Variants in SBNO2 observed in about 807,000 individuals in gnomAD.
The protein encoded by SBNO2 is protein strawberry notch homolog 2.
A neutral mutation model predicts 146.3 loss-of-function variants in SBNO2; 89 were observed. The ratio of observed to expected loss-of-function variants is 0.61; its 90% CI spans 0.51 to 0.73. The LOEUF (loss-of-function observed/expected upper bound fraction) is 0.73, where lower values mean the gene tolerates loss of function less well. Ranked by LOEUF, SBNO2 falls within the 30% of genes least tolerant of loss-of-function variation. SBNO2 has a pLI of 0.00. For missense variants in SBNO2, 2,092 were observed against 2,003.7 expected (o/e 1.04, Z -0.84); for synonymous variants, 1,147 against 892.6 (o/e 1.29, Z -5.08).
chr19:1,135,079 G>A (rs964401500), intron 4 of SBNO2, among the ~76,000 whole-genome samples: 28 of 139,216 alleles, frequency 2.0e-4, no homozygotes, highest in South Asian at 2.3e-4. Context: ...AGGTGGATTT[G>A]GCCGAGCGTA....
intron 4 of SBNO2, among the ~76,000 whole-genome samples, chr19:1,130,744 A>G (rs368714246): frequency 1.3e-5 from 2 of 152,146 alleles, no homozygotes; most frequent in African/African-American, 4.8e-5. Flanking sequence ...GGGAGCCGAG[A>G]TCGTGCCACT....
chr19:1,132,168 G>A (rs12984968), intron 4 of SBNO2: 3 of 1,446,694 alleles, frequency 2.1e-6, no homozygotes, highest in Admixed American at 3.2e-5. Context: ...GGGTCCCCCA[G>A]GAAGCGCTGC....
At position 1,112,848 on chromosome 19, in the gene SBNO2, C is replaced by T. The variant is rs1374919448; in HGVS notation, c.2349G>A (p.Arg783=). ...CGCCGCTCATGAAGCGCTGCTTCTC[C>T]CTGAGGTTCACGTGGTCGATGGACA... ...QGLSIDHVNL[R]EKQRFMSGEK... The change falls in exon 20 of 32, where the codon AGG becomes AGA. Residue 783 remains arginine (R), a synonymous_variant. Coordinates refer to ENST00000361757, the MANE Select transcript of SBNO2 (RefSeq NM_014963.3). This position sits in a 1 kb window ranked among gnomAD's most constrained non-coding sequence, Gnocchi z 5.9. 1.9e-6 allele frequency: 3 copies of T among 1,576,422 alleles called. No homozygotes were observed. Among genetic ancestry groups the T allele is most frequent in the East Asian group, 2.4e-5 (1 of 42,478 alleles).
At position 1,157,157 on chromosome 19, in the gene SBNO2, A is replaced by G. The variant is rs573205194; in HGVS notation, c.-126-2755T>C. ...GCCCCCAAGGGCTGGCTCCCACCCCATGGTCCTGAGCCCTCCGGACCCTTC... is the reference window on the plus strand; with the variant it reads ...GCCCCCAAGGGCTGGCTCCCACCCCGTGGTCCTGAGCCCTCCGGACCCTTC... On this transcript the variant is annotated intron_variant, in intron 1 of 31. Transcript: ENST00000361757. This position sits in a 1 kb window ranked among gnomAD's most constrained non-coding sequence, Gnocchi z 6.8. Among the ~76,000 whole-genome samples, 1 of 149,662 alleles carries G rather than the reference A, an allele frequency of 6.7e-6. No homozygotes were observed. The highest frequency in any genetic ancestry group is 2.5e-5 in the African/African-American group (1 of 40,338).
At chr19:1,113,369 G>C (rs1482574795) in intron 19 of SBNO2, among the ~76,000 whole-genome samples, 166 bp downstream of exon 19, 3 of 152,174 alleles carry the variant, frequency 2.0e-5, no homozygotes, top group Non-Finnish European at 4.4e-5. Flanking sequence ...GGGCCGAGCT[G>C]GACAGCACGC....
Position 1,158,791 on chromosome 19 carries a change from C to T in SBNO2, c.-126-4389G>A, listed in dbSNP as rs559887127. Among the ~76,000 whole-genome samples the T allele has an allele frequency of 1.4e-3, 207 of 152,280 alleles. No homozygotes were observed. The highest frequency in any genetic ancestry group is 4.8e-3 in the African/African-American group (200 of 41,546). ...GGCAAGGAGCAGGCCCCCGGGTGTC[C>T]CGGGAACCCCGCACAGAGCCACGGC... is the stretch of plus-strand genomic sequence containing the variant. On this transcript the variant is annotated intron_variant, in intron 1 of 31. Coordinates refer to ENST00000361757, the MANE Select transcript of SBNO2 (RefSeq NM_014963.3). The surrounding 1 kb of genome is among the most constrained non-coding windows in gnomAD (Gnocchi z 9.9).
intron 4 of SBNO2, among the ~76,000 whole-genome samples, chr19:1,141,612 C>T (rs1196126219): frequency 6.6e-6 from 1 of 152,004 alleles, no homozygotes; most frequent in Non-Finnish European, 1.5e-5. Flanking sequence ...TGGGCCCCTC[C>T]ACGCGTCCAT....
Position 1,114,382 on chromosome 19 carries a change from C to T in SBNO2, c.1926G>A (p.Ala642=), listed in dbSNP as rs145532754. The part of the protein sequence containing the change: ...RGRGAKAPRL[A]CETAGVIRIS... ...TGCGGATGACGCCCGCTGTCTCGCA[C>T]GCCAGCCGGGGGGCTTTGGCCCCGC... The change falls in exon 18 of 32, where the codon GCG becomes GCA. Residue 642 remains alanine (A), a synonymous_variant. Transcript: ENST00000361757. 2.0e-4 allele frequency: 314 copies of T among 1,552,848 alleles called. No individual in the cohort carries two copies. In the East Asian group the frequency reaches 6.2e-3, roughly 30 times the overall value.
Position 1,119,536 on chromosome 19 carries a change from G to A in SBNO2, c.1353C>T (p.Phe451=). 2.5e-6 allele frequency: 4 copies of A among 1,610,112 alleles called. No homozygotes were observed. Among genetic ancestry groups the A allele is most frequent in the Non-Finnish European group, 3.4e-6 (4 of 1,178,456 alleles). ...EGTPFRNFEE[F]LHAIEKRGVG... ...CTCACCTCTTCTCGATGGCGTGCAGGAACTCCTCAAAGTTCCGGAAGGGTG... is the reference window on the plus strand; with the variant it reads ...CTCACCTCTTCTCGATGGCGTGCAGAAACTCCTCAAAGTTCCGGAAGGGTG... Residue 451 remains phenylalanine (F), a synonymous_variant, in exon 13 of 32, where the codon TTC becomes TTT. Transcript: ENST00000361757.
At chr19:1,115,809 T>C (rs917209081) in intron 17 of SBNO2, 6 of 600,882 alleles carry the variant, frequency 1.0e-5, no homozygotes, top group Non-Finnish European at 1.8e-5. Flanking sequence ...TCCTTCAGGC[T>C]GTCTGTTGCT....
intron 13 of SBNO2, 81 bp from the exon 14 acceptor site, chr19:1,119,245 G>T: frequency 6.7e-7 from 1 of 1,485,010 alleles, no homozygotes; most frequent in Non-Finnish European, 9.1e-7. Flanking sequence ...AGAGCCAGTC[G>T]CAGAGAGGGC....
At chr19:1,121,832 C>T (rs10413141) in intron 11 of SBNO2, among the ~76,000 whole-genome samples, 16 of 152,242 alleles carry the variant, frequency 1.1e-4, no homozygotes, top group Admixed American at 5.2e-4. Context: ...GAAACCAAGC[C>T]GGAGCCCTGT....
chr19:1,113,006 G>C, intron 19 of SBNO2, 57 bp from the exon 20 acceptor site: 1 of 1,504,818 alleles, frequency 6.6e-7, no homozygotes, highest in Non-Finnish European at 8.9e-7. Flanking sequence ...GCAGGAGTCT[G>C]GCCACCCGTG....
chr19:1,173,039 G>C lies in SBNO2; in HGVS notation c.-127+1133C>G, dbSNP rs974431321. Among the ~76,000 whole-genome samples, 2 of 151,310 alleles carry C rather than the reference G, an allele frequency of 1.3e-5. No homozygotes were observed. Among genetic ancestry groups the C allele is most frequent in the Non-Finnish European group, 2.9e-5 (2 of 67,822 alleles). ...TTCAGAATGTTAATCAGTTCATCCA[G>C]GGAGACACCCACCGTCCCTGCCCCA... is the stretch of plus-strand genomic sequence containing the variant. On this transcript the variant is annotated intron_variant, in intron 1 of 31. Transcript: ENST00000361757. This position sits in a 1 kb window ranked among gnomAD's most constrained non-coding sequence, Gnocchi z 4.7.
intron 1 of SBNO2, among the ~76,000 whole-genome samples, chr19:1,167,807 C>T (rs1170360793): frequency 6.6e-6 from 1 of 152,204 alleles, no homozygotes; most frequent in African/African-American, 2.4e-5. Flanking sequence ...GCGGTCAGGC[C>T]GCGTGCACGG....
chr19:1,160,164 C>T (rs1433827684), intron 1 of SBNO2, among the ~76,000 whole-genome samples: 1 of 152,164 alleles, frequency 6.6e-6, no homozygotes, highest in Admixed American at 6.5e-5. Context: ...GGAAGCTGCC[C>T]CGGCAGCGAG....
intron 1 of SBNO2, among the ~76,000 whole-genome samples, chr19:1,162,621 G>C: frequency 6.6e-6 from 1 of 152,278 alleles, no homozygotes; most frequent in African/African-American, 2.4e-5. Context: ...GACTTCTCCA[G>C]GCCGGCAACC....
At position 1,144,237 on chromosome 19, in the gene SBNO2, C is replaced by T. The variant is rs1305631768; in HGVS notation, c.279+3072G>A. On this transcript the variant is annotated intron_variant, in intron 4 of 31. Coordinates refer to ENST00000361757, the MANE Select transcript of SBNO2 (RefSeq NM_014963.3). The surrounding 1 kb of genome is among the most constrained non-coding windows in gnomAD (Gnocchi z 4.1). ...GCCCACAGGACTGAGCTGACCCACA[C>T]CCGTCCCATCCCACACTCAGCACTG... Among the ~76,000 whole-genome samples the T allele has an allele frequency of 6.6e-6, 1 of 152,194 alleles. No individual in the cohort carries two copies. The highest frequency in any genetic ancestry group is 6.5e-5 in the Admixed American group (1 of 15,280).
rs768839712 is a variant in SBNO2 at position 1,110,818 on chromosome 19, C to G, written c.2955G>C (p.Gln985His). 4 of 1,613,570 alleles carry G rather than the reference C, an allele frequency of 2.5e-6. No individual in the cohort carries two copies. The highest frequency in any genetic ancestry group is 3.4e-6 in the Non-Finnish European group (4 of 1,179,758). ...LEVHKQNALF[Q>H]YFSDTFDHLI... Reference sequence around the variant, plus strand: ...GGTGGTCGAAGGTGTCTGAGAAGTACTGGAACAGGGCGTTCTGCTTGTGCA... The same window carrying G: ...GGTGGTCGAAGGTGTCTGAGAAGTAGTGGAACAGGGCGTTCTGCTTGTGCA... Residue 985 changes from glutamine (Q) to histidine (H), a missense_variant, in exon 26 of 32, where the codon CAG becomes CAC. Coordinates refer to ENST00000361757, the MANE Select transcript of SBNO2 (RefSeq NM_014963.3). The surrounding 1 kb of genome is among the most constrained non-coding windows in gnomAD (Gnocchi z 4.9).
Sources: gnomAD v4.1 joint callset for allele counts (sites outside exome capture counted in the v4.1 genomes callset) on GRCh38, gnomAD v4.1.1 for gene constraint, Gnocchi (gnomAD v3.1) non-coding constraint, MANE v1.5 for transcripts, NCBI Gene and HGNC (gene_info 2026-07-23, HGNC 2026-07-21) for gene names.